POLG2: variants seen among roughly 807,000 people sequenced by gnomAD.
The protein encoded by POLG2 is DNA polymerase gamma 2, accessory subunit.
In POLG2, 50 loss-of-function variants were observed where a neutral mutation model predicts 56.5. The observed-to-expected ratio is 0.88, with a 90% CI of 0.71 to 1.12. The LOEUF is 1.12. Among genes scored for constraint, POLG2 ranks in the 50% most tolerant of loss-of-function variants. POLG2 has a pLI of 0.00. For synonymous variants in POLG2, 226 were observed against 222.6 expected, an observed-to-expected ratio of 1.02 and a Z score of -0.14; for missense variants, 584 against 583.3, an observed-to-expected ratio of 1.00 and a Z score of -0.01.
At chr17:64,489,397 T>C (rs1004092710) in intron 4 of POLG2, among the ~76,000 whole-genome samples, 6 of 151,026 alleles carry the variant, frequency 4.0e-5, no homozygotes, top group Admixed American at 1.3e-4. Context: ...AAAAACACCA[T>C]TGGCAAACCT....
In POLG2 at chr17:64,492,788, G is replaced by C; in HGVS notation, c.690-16C>G. ...CTCACCAATACTTTAGATATAAAAC[G>C]TATCAGGAAGTTAGCTTATCTGAAA... is the stretch of plus-strand genomic sequence containing the variant. On this transcript the variant is annotated splice_polypyrimidine_tract_variant and intron_variant, in intron 2 of 7. Coordinates refer to ENST00000539111, the MANE Select transcript of POLG2 (RefSeq NM_007215.4). The C allele has an allele frequency of 6.3e-7, 1 of 1,594,196 alleles. No individual in the cohort carries two copies. Among genetic ancestry groups the C allele is most frequent in the Middle Eastern group, 1.7e-4 (1 of 6,022 alleles).
At chr17:64,484,557 G>T (rs1011610627) in intron 5 of POLG2, among the ~76,000 whole-genome samples, 1 of 152,226 alleles carries the variant, frequency 6.6e-6, no homozygotes, top group Non-Finnish European at 1.5e-5. Flanking sequence ...TCTATCAGGG[G>T]AGGAGGAGTG....
chr17:64,493,823 A>T (rs2038105864), intron 1 of POLG2, among the ~76,000 whole-genome samples: 1 of 152,192 alleles, frequency 6.6e-6, no homozygotes, highest in Non-Finnish European at 1.5e-5. Context: ...AAAAAATAAT[A>T]AACATCCATA....
intron 4 of POLG2, among the ~76,000 whole-genome samples, chr17:64,488,769 TCCAGCCTGG>T (rs1345965631): frequency 6.6e-6 from 1 of 151,928 alleles, no homozygotes; most frequent in Non-Finnish European, 1.5e-5. Context: ...ATTTAAAAAT[TCCAGCCTGG>T]TCAATATGGT....
At chr17:64,491,343 C>T (rs956855058) in intron 3 of POLG2, among the ~76,000 whole-genome samples, 5 of 152,258 alleles carry the variant, frequency 3.3e-5, no homozygotes, top group African/African-American at 1.2e-4. Context: ...GCCTGTTATG[C>T]CAGCTCTTTG....
intron 5 of POLG2, 39 bp from the exon 6 acceptor site, chr17:64,483,038 G>T (rs782600838): frequency 6.0e-6 from 6 of 999,092 alleles, no homozygotes; most frequent in Non-Finnish European, 9.5e-6. Context: ...GACAGGAAAG[G>T]GGAAAAAGCA....
Position 64,496,587 on chromosome 17 carries a change from C to G in POLG2, c.382G>C (p.Val128Leu). The G allele has an allele frequency of 6.2e-7, 1 of 1,613,624 alleles. No individual in the cohort carries two copies. Among genetic ancestry groups the G allele is most frequent in the Non-Finnish European group, 8.5e-7 (1 of 1,179,612 alleles). ...VVVFREQVFP[V>L]DALHHKPGPL... Reference sequence around the variant, plus strand: ...CCTGGTTTGTGGTGGAGGGCGTCCACCGGGAATACCTGCTCCCTGAACACC... The same window carrying G: ...CCTGGTTTGTGGTGGAGGGCGTCCAGCGGGAATACCTGCTCCCTGAACACC... The change falls in exon 1 of 8, where the codon GTG becomes CTG. Residue 128 changes from valine to leucine, a missense_variant. Val to Leu is a conservative substitution (Grantham distance 32, BLOSUM62 1). Transcript: ENST00000539111.
chr17:64,497,022 GCCA>G lies in POLG2; in HGVS notation c.-57_-55del. The G allele has an allele frequency of 6.6e-7, 1 of 1,513,082 alleles. No homozygotes were observed. Among genetic ancestry groups the G allele is most frequent in the Admixed American group, 1.7e-5 (1 of 59,748 alleles). The allele number at this position is 1,513,082 out of a possible 1,614,324, so 93.7% of individuals were successfully genotyped here. On this transcript the variant is annotated 5_prime_UTR_variant, in exon 1 of 8. Transcript: ENST00000539111. ...CCCATCACTCAACGGATCCCAACAA[GCCA>G]CCACTACCGTTAACAGAATCCGGAG...
intron 5 of POLG2, among the ~76,000 whole-genome samples, 153 bp from the exon 6 acceptor site, chr17:64,483,152 C>A (rs2037890889): frequency 6.6e-6 from 1 of 152,066 alleles, no homozygotes; most frequent in Non-Finnish European, 1.5e-5. Context: ...TAGCTGAGGT[C>A]ATAAAAACAC....
intron 4 of POLG2, among the ~76,000 whole-genome samples, chr17:64,489,988 G>A (rs1040852032): frequency 3.3e-5 from 5 of 151,526 alleles, no homozygotes; most frequent in African/African-American, 9.7e-5. Context: ...GCAGTGGCAC[G>A]ATCTTGGCTC....
At chr17:64,491,074 C>G in intron 3 of POLG2, 105 bp from the exon 4 acceptor site, 2 of 916,428 alleles carry the variant, frequency 2.2e-6, no homozygotes, top group Middle Eastern at 2.2e-4. Flanking sequence ...TTTTATTCAG[C>G]AAATGTGCGA....
At chr17:64,489,573 C>A (rs1469768742) in intron 4 of POLG2, among the ~76,000 whole-genome samples, 1 of 151,756 alleles carries the variant, frequency 6.6e-6, no homozygotes, top group African/African-American at 2.4e-5. Flanking sequence ...CCAGCCCGGG[C>A]AACAAAGCTA....
chr17:64,486,048 A>G (rs536502102), intron 4 of POLG2, among the ~76,000 whole-genome samples, 180 bp from the exon 5 acceptor site: 1 of 151,906 alleles, frequency 6.6e-6, no homozygotes, highest in East Asian at 2.0e-4. Flanking sequence ...TCCTGAGTAC[A>G]TATTTTAGAC....
intron 6 of POLG2, chr17:64,481,096 T>C: frequency 5.7e-6 from 1 of 175,902 alleles, no homozygotes; most frequent in Non-Finnish European, 1.1e-5. Context: ...CCAGGGTGTT[T>C]AGCAGCATTC....
Position 64,480,391 on chromosome 17 carries a change from TAGAA to T in POLG2, c.1192-6_1192-3del, listed in dbSNP as rs781856879. 51 of 1,371,680 alleles carry T rather than the reference TAGAA, an allele frequency of 3.7e-5. No individual in the cohort carries two copies. The highest frequency in any genetic ancestry group is 1.9e-4 in the Admixed American group (11 of 59,318). The allele number at this position is 1,371,680 out of a possible 1,614,324, so 85.0% of individuals were successfully genotyped here. ...CTCATTAAATAGCCCTTGACAAACCTAGAAAGAAATAGAAAAACTTCAAATATGA... is the reference window on the plus strand; with the variant it reads ...CTCATTAAATAGCCCTTGACAAACCTAGAAATAGAAAAACTTCAAATATGA... On this transcript the variant is annotated splice_region_variant and splice_polypyrimidine_tract_variant and intron_variant, in intron 6 of 7. Transcript: ENST00000539111.
rs540239197 is a variant in POLG2 at position 64,479,139 on chromosome 17, C to CTA, written c.1292+1148_1292+1149dup. 2.9e-3 allele frequency among the ~76,000 whole-genome samples: 442 copies of CTA among 150,352 alleles called. 7 individuals carry two copies. The highest frequency in any genetic ancestry group is 3.9e-3 in the Non-Finnish European group (267 of 67,772). ...ACACATAATAAAACCATTAGATGCT[C>CTA]TAATTATAGAAAACTACTTTTCTTT... On this transcript the variant is annotated intron_variant, in intron 7 of 7. Transcript: ENST00000539111.
rs183951851 is a variant in POLG2, at chr17:64,481,611, G to A, written c.1192-1222C>T. 2.0e-3 allele frequency among the ~76,000 whole-genome samples: 297 copies of A among 152,048 alleles called. 1 individual carries two copies. Among genetic ancestry groups the A allele is most frequent in the African/African-American group, 6.9e-3 (287 of 41,490 alleles). On this transcript the variant is annotated intron_variant, in intron 6 of 7. Transcript: ENST00000539111. ...GGAAAGGCTGCGCACGGTGGCTCAC[G>A]CCTGTAATCCCAGCACGTTGGGAGG...
At chr17:64,493,094 T>G in intron 1 of POLG2, 73 bp from the exon 2 acceptor site, 1 of 1,434,812 alleles carries the variant, frequency 7.0e-7, no homozygotes, top group East Asian at 2.3e-5. Context: ...ATAGACACAT[T>G]AATAGTAGTA....
intron 1 of POLG2, among the ~76,000 whole-genome samples, chr17:64,494,441 A>T (rs1210088215): frequency 6.6e-6 from 1 of 152,186 alleles, no homozygotes; most frequent in East Asian, 1.9e-4. Flanking sequence ...CCAGTATTTT[A>T]GAATCCATTG....
Sources: gnomAD v4.1 joint callset for allele counts (sites outside exome capture counted in the v4.1 genomes callset) on GRCh38, gnomAD v4.1.1 for gene constraint, MANE v1.5 for transcripts, NCBI Gene and HGNC (gene_info 2026-07-23, HGNC 2026-07-21) for gene names.